Variants in YTHDC2 observed in about 807,000 individuals in gnomAD.
YTHDC2 encodes YTH N6-methyladenosine RNA binding protein C2.
YTHDC2 carries 45 observed loss-of-function variants against 174.9 expected under a neutral mutation model. That is an observed-to-expected ratio of 0.26 (90% CI 0.20 to 0.33). The LOEUF is 0.33. Among genes scored for constraint, YTHDC2 ranks in the 10% least tolerant of loss-of-function variants. The pLI is 1.00. For synonymous variants in YTHDC2, 657 were observed against 574.5 expected, an observed-to-expected ratio of 1.14 and a Z score of -2.05; for missense variants, 1,650 against 1,723.7, an observed-to-expected ratio of 0.96 and a Z score of 0.76.
chr5:113,550,284 A>C (rs1776161908), intron 12 of YTHDC2, among the ~76,000 whole-genome samples: 1 of 151,936 alleles, frequency 6.6e-6, no homozygotes. Flanking sequence ...GTGGGGGAAA[A>C]ATTTACCTGG....
intron 2 of YTHDC2, among the ~76,000 whole-genome samples, chr5:113,522,132 TTG>T (rs1447848995): frequency 1.8e-4 from 13 of 73,034 alleles, no homozygotes; most frequent in African/African-American, 4.4e-4. Flanking sequence ...CCTGTTTTTT[TTG>T]TTTTTTGTTT....
intron 12 of YTHDC2, among the ~76,000 whole-genome samples, chr5:113,550,375 C>G (rs900140615): frequency 1.3e-5 from 2 of 151,570 alleles, no homozygotes; most frequent in Non-Finnish European, 2.9e-5. Context: ...GAAAACTAAG[C>G]AAATAAAAAT....
Position 113,556,135 on chromosome 5 carries a change from G to A in YTHDC2, c.2216+1G>A, listed in dbSNP as rs1386963526. 1 of 1,587,010 alleles carries A rather than the reference G, an allele frequency of 6.3e-7. No individual in the cohort carries two copies. On this transcript the variant is annotated splice_donor_variant, in intron 17 of 29. Transcript: ENST00000161863. LOFTEE classifies it high-confidence loss of function. ...CTAGTGCCATACAGCGGAAAGGCAG[G>A]TAATGTATATTTAATGTATATTCAT...
At chr5:113,587,971 C>T (rs1026906356) in intron 26 of YTHDC2, among the ~76,000 whole-genome samples, 3 of 151,936 alleles carry the variant, frequency 2.0e-5, no homozygotes, top group African/African-American at 4.8e-5. Context: ...ACAAGTATTA[C>T]AATTTTTTGT....
chr5:113,562,272 G>C (rs932491930), intron 18 of YTHDC2, among the ~76,000 whole-genome samples: 1 of 143,838 alleles, frequency 7.0e-6, no homozygotes, highest in Admixed American at 7.1e-5. Flanking sequence ...TTGTGGGTGT[G>C]TGTGGGTGTG....
chr5:113,589,900 AT>A (rs1288602950), intron 26 of YTHDC2, among the ~76,000 whole-genome samples: 2 of 151,838 alleles, frequency 1.3e-5, no homozygotes, highest in African/African-American at 4.8e-5. Context: ...TACTTTTGGC[AT>A]TTTTTTCTTT....
Position 113,563,405 on chromosome 5 carries a change from A to C in YTHDC2, c.2355A>C (p.Pro785=), listed in dbSNP as rs765855076. 57 of 1,611,390 alleles carry C rather than the reference A, an allele frequency of 3.5e-5. No homozygotes were observed. Among genetic ancestry groups the C allele is most frequent in the Non-Finnish European group, 4.8e-5 (56 of 1,178,522 alleles). ...ELCLHTKLLA[P]VNCPIADFLM... is the part of the protein sequence containing the mutation. ...GCTTACATACCAAGCTGTTAGCCCC[A>C]GTTAATTGTCCCATTGCTGATTTTC... The change falls in exon 19 of 30, where the codon CCA becomes CCC. Residue 785 remains proline, a synonymous_variant. Coordinates refer to ENST00000161863, the MANE Select transcript of YTHDC2 (RefSeq NM_022828.5).
In YTHDC2 at chr5:113,564,143, G is replaced by C; in HGVS notation, c.2715+12G>C. 1.9e-6 allele frequency: 3 copies of C among 1,587,578 alleles called. No homozygotes were observed. Among genetic ancestry groups the C allele is most frequent in the Non-Finnish European group, 2.6e-6 (3 of 1,163,490 alleles). On this transcript the variant is annotated intron_variant, in intron 20 of 29. Transcript: ENST00000161863. ...TCAGAGCATTCCAGGTACTATTACTGTCATTTTATTTCTGAAGACGTTGCT... is the reference window on the plus strand; with the variant it reads ...TCAGAGCATTCCAGGTACTATTACTCTCATTTTATTTCTGAAGACGTTGCT...
intron 5 of YTHDC2, among the ~76,000 whole-genome samples, chr5:113,533,293 A>G (rs1057276648): frequency 5.3e-5 from 8 of 152,122 alleles, no homozygotes; most frequent in African/African-American, 1.9e-4. Flanking sequence ...CTGTAGTCCC[A>G]GTACTTTGGG....
intron 18 of YTHDC2, among the ~76,000 whole-genome samples, chr5:113,561,467 A>G (rs940730627): frequency 9.6e-5 from 13 of 134,862 alleles, no homozygotes; most frequent in African/African-American, 4.0e-4. Flanking sequence ...CTATCTATCT[A>G]TCTATATTTT....
chr5:113,578,360 A>T (rs1480254024), intron 23 of YTHDC2, among the ~76,000 whole-genome samples: 1 of 145,908 alleles, frequency 6.9e-6, no homozygotes, highest in Non-Finnish European at 1.5e-5. Flanking sequence ...CACACCTGGC[A>T]TAGAAGGTTT....
chr5:113,539,467 G>C (rs1377476568), intron 8 of YTHDC2, among the ~76,000 whole-genome samples: 2 of 152,120 alleles, frequency 1.3e-5, no homozygotes, highest in Non-Finnish European at 2.9e-5. Flanking sequence ...AATATATGCT[G>C]GCTGCCCACA....
intron 26 of YTHDC2, among the ~76,000 whole-genome samples, chr5:113,590,549 T>C (rs1778952096): frequency 6.6e-6 from 1 of 152,188 alleles, no homozygotes; most frequent in Admixed American, 6.6e-5. Context: ...CCCTCTGTGT[T>C]TCCTTTGGAG....
chr5:113,559,932 T>C (rs58044020), intron 17 of YTHDC2, among the ~76,000 whole-genome samples: 47,232 of 152,072 alleles, frequency 0.31, 9,501 homozygotes, highest in African/African-American at 0.56. Flanking sequence ...TTGGGATGCG[T>C]AAGGCATTTT....
Position 113,535,742 on chromosome 5 carries a change from C to G in YTHDC2, c.1046C>G (p.Ala349Gly), listed in dbSNP as rs1775010217. Residue 349 changes from alanine (A) to glycine (G), a missense_variant, in exon 7 of 30, where the codon GCT becomes GGT. By Grantham distance (60) the Ala-to-Gly change is moderately conservative. Around this residue, in one of 5 missense-constraint regions of YTHDC2, gnomAD observed 411 missense variants for 380.6 expected, o/e 1.08. Transcript: ENST00000161863. ...HPTLKLILSS[A>G]ALDVNLFIRY... ...ACTTTGAAACTAATTCTTTCTAGTG[C>G]TGCCTTGGATGTAAATCTCTTTATA... The G allele has an allele frequency of 1.2e-6, 2 of 1,613,398 alleles. No homozygotes were observed. Among genetic ancestry groups the G allele is most frequent in the Non-Finnish European group, 1.7e-6 (2 of 1,179,724 alleles).
chr5:113,571,191 A>G (rs890329124), intron 23 of YTHDC2, among the ~76,000 whole-genome samples: 16 of 152,154 alleles, frequency 1.1e-4, no homozygotes, highest in African/African-American at 3.9e-4. Flanking sequence ...ACACGAAGAC[A>G]TGTTGAATTT....
intron 18 of YTHDC2, among the ~76,000 whole-genome samples, chr5:113,562,888 A>G (rs1482610955): frequency 1.3e-5 from 2 of 152,164 alleles, no homozygotes; most frequent in Non-Finnish European, 1.5e-5. Flanking sequence ...AGTTAATTAT[A>G]TAATTAATTA....
At chr5:113,530,830 G>A (rs1774607053) in intron 4 of YTHDC2, among the ~76,000 whole-genome samples, 1 of 150,184 alleles carries the variant, frequency 6.7e-6, no homozygotes, top group Non-Finnish European at 1.5e-5. Flanking sequence ...TTCTTTCTCT[G>A]TAAAGAACTT....
chr5:113,537,122 A>T (rs1436256982), intron 7 of YTHDC2, among the ~76,000 whole-genome samples: 1 of 152,116 alleles, frequency 6.6e-6, no homozygotes, highest in African/African-American at 2.4e-5. Context: ...ATTTCTAGGG[A>T]TAGATTTCTG....
Sources: allele counts gnomAD v4.1 joint callset (sites outside exome capture counted in the v4.1 genomes callset), GRCh38; gene constraint gnomAD v4.1.1; regional missense constraint gnomAD v4.1.1; transcripts MANE v1.5; gene names NCBI Gene and HGNC (gene_info 2026-07-23, HGNC 2026-07-21).